The following GNPNAT1 variants were observed in gnomAD, a reference collection of about 807,000 sequenced individuals.
GNPNAT1 encodes the protein glucosamine-phosphate N-acetyltransferase 1.
In GNPNAT1, 11 loss-of-function variants were observed where a neutral mutation model predicts 19.8. The observed-to-expected ratio is 0.56, with a 90% CI of 0.35 to 0.92. The LOEUF (loss-of-function observed/expected upper bound fraction) is 0.92. GNPNAT1 is among the 40% of genes least tolerant of loss of function. The pLI, the probability that GNPNAT1 is intolerant of heterozygous loss-of-function variation, is 0.01. For synonymous variants in GNPNAT1, 71 were observed against 72.3 expected, an observed-to-expected ratio of 0.98 and a Z score of 0.09; for missense variants, 157 against 211.0, an observed-to-expected ratio of 0.74 and a Z score of 1.59.
intron 5 of GNPNAT1, among the ~76,000 whole-genome samples, chr14:52,779,005 GTCTC>G (rs946521279): frequency 6.6e-6 from 1 of 151,836 alleles, no homozygotes; most frequent in Non-Finnish European, 1.5e-5. Flanking sequence ...AACAGAGTGA[GTCTC>G]TGTCTTGAAA....
chr14:52,781,696 T>C, intron 4 of GNPNAT1, 88 bp downstream of exon 4: 1 of 1,265,246 alleles, frequency 7.9e-7, no homozygotes, highest in Non-Finnish European at 1.1e-6. Context: ...GCACTGAAAA[T>C]CAATGAGAAA....
At chr14:52,781,145 C>T (rs1882884793) in intron 4 of GNPNAT1, among the ~76,000 whole-genome samples, 1 of 152,116 alleles carries the variant, frequency 6.6e-6, no homozygotes, top group African/African-American at 2.4e-5. Flanking sequence ...CCAACCTTCC[C>T]ACCCCATTGT....
chr14:52,786,846 T>G (rs1046955377), intron 1 of GNPNAT1, among the ~76,000 whole-genome samples: 16 of 145,230 alleles, frequency 1.1e-4, no homozygotes, highest in African/African-American at 4.0e-4. Context: ...CAGAAATGTT[T>G]CAGGTTTTGG....
intron 1 of GNPNAT1, among the ~76,000 whole-genome samples, chr14:52,789,986 CAAAAA>C (rs200756037): frequency 0.036 from 3,823 of 107,166 alleles, 44 homozygotes; most frequent in African/African-American, 0.048. Flanking sequence ...TCCAGAAGGA[CAAAAA>C]AAAAAAAAAA....
At chr14:52,786,204 T>C (rs1322405701) in intron 1 of GNPNAT1, among the ~76,000 whole-genome samples, 1 of 151,884 alleles carries the variant, frequency 6.6e-6, no homozygotes, top group Non-Finnish European at 1.5e-5. Flanking sequence ...CAGCAGATTT[T>C]CTAAAAATCT....
chr14:52,786,857 ATTTTTTTTTTTTTTTTT>A (rs567085170), intron 1 of GNPNAT1, among the ~76,000 whole-genome samples: 11 of 98,686 alleles, frequency 1.1e-4, no homozygotes, highest in South Asian at 6.7e-4. Flanking sequence ...CAGGTTTTGG[ATTTTTTTTTTTTTTTTT>A]TTTTTTTTTT....
intron 1 of GNPNAT1, among the ~76,000 whole-genome samples, chr14:52,784,892 G>A (rs890133946): frequency 1.4e-5 from 2 of 144,302 alleles, no homozygotes; most frequent in African/African-American, 5.1e-5. Context: ...AAATTAGTAA[G>A]TTTTAAACTA....
rs1379668298 is a variant in GNPNAT1 at position 52,776,296 on chromosome 14, T to C, written c.*2015A>G. ...GTTTTATGTAGCACTTTTTTCATATTTACATTTACTCACCATATGGCTTCA... is the reference window on the plus strand; with the variant it reads ...GTTTTATGTAGCACTTTTTTCATATCTACATTTACTCACCATATGGCTTCA... On this transcript the variant is annotated 3_prime_UTR_variant, in exon 6 of 6. Transcript: ENST00000216410. 3 of 152,198 alleles carry C rather than the reference T, an allele frequency of 2.0e-5. No individual in the cohort carries two copies. The East Asian group carries it at 5.8e-4, about 29-fold the overall frequency. 9.4% of individuals were successfully genotyped at this position (152,198 alleles called of 1,614,324 possible).
At chr14:52,789,564 T>A (rs1272528471) in intron 1 of GNPNAT1, among the ~76,000 whole-genome samples, 1 of 152,240 alleles carries the variant, frequency 6.6e-6, no homozygotes, top group Non-Finnish European at 1.5e-5. Context: ...TTTAGCTCAC[T>A]CTGTCCTCAA....
At chr14:52,786,986 G>A (rs913229727) in intron 1 of GNPNAT1, among the ~76,000 whole-genome samples, 1 of 146,866 alleles carries the variant, frequency 6.8e-6, no homozygotes, top group African/African-American at 2.5e-5. Flanking sequence ...TATACAGATA[G>A]CACAAATATT....
At chr14:52,790,796 C>T (rs1883153535) in intron 1 of GNPNAT1, among the ~76,000 whole-genome samples, 1 of 152,320 alleles carries the variant, frequency 6.6e-6, no homozygotes, top group African/African-American at 2.4e-5. Context: ...CCTATAATCG[C>T]CCGTTCAATT....
chr14:52,778,317 T>C lies in GNPNAT1; in HGVS notation c.549A>G (p.Leu183=), dbSNP rs1425327717. The C allele has an allele frequency of 8.8e-6, 14 of 1,584,478 alleles. No homozygotes were observed. The highest frequency in any genetic ancestry group is 1.2e-5 in the Non-Finnish European group (14 of 1,171,552). The change falls in exon 6 of 6, where the codon CTA becomes CTG. Residue 183 remains leucine, a synonymous_variant. Transcript: ENST00000216410. Reference sequence around the variant, plus strand: ...CAATTTTCTTACAAGATTTTTACTTTAGAAACCTCCGACACATGTAGTTTT... The same window carrying C: ...CAATTTTCTTACAAGATTTTTACTTCAGAAACCTCCGACACATGTAGTTTT... ...SEENYMCRRF[L]K
chr14:52,784,926 C>CTTTT (rs571852245), intron 1 of GNPNAT1, among the ~76,000 whole-genome samples: 2 of 119,734 alleles, frequency 1.7e-5, no homozygotes, highest in Non-Finnish European at 3.5e-5. Context: ...ATTATCAAGT[C>CTTTT]TTTTTTTTTT....
At chr14:52,790,685 C>G (rs1883151045) in intron 1 of GNPNAT1, among the ~76,000 whole-genome samples, 1 of 152,178 alleles carries the variant, frequency 6.6e-6, no homozygotes, top group Admixed American at 6.5e-5. Context: ...TCATACCATA[C>G]AGCTAGCGCT....
In GNPNAT1 at chr14:52,777,323, T is replaced by C. The variant is rs1882758818; in HGVS notation, c.*988A>G. The stretch of plus-strand genomic sequence containing the variant: ...AGATTAGAACCATTAAAATATTTAA[T>C]TCTTCAACTTTAAAAAATTAAATAA... On this transcript the variant is annotated 3_prime_UTR_variant, in exon 6 of 6. Coordinates refer to ENST00000216410, the MANE Select transcript of GNPNAT1 (RefSeq NM_198066.4). 6.6e-6 allele frequency: 1 copy of C among 152,634 alleles called. No individual in the cohort carries two copies. The highest frequency in any genetic ancestry group is 2.4e-5 in the African/African-American group (1 of 41,458). 9.5% of individuals were successfully genotyped at this position (152,634 alleles called of 1,614,324 possible).
chr14:52,787,889 G>A (rs1883060623), intron 1 of GNPNAT1: 1 of 151,954 alleles, frequency 6.6e-6, no homozygotes, highest in African/African-American at 2.4e-5. Context: ...AAGAATGACA[G>A]GCTCTTACGT....
At chr14:52,778,832 C>G (rs569227379) in intron 5 of GNPNAT1, among the ~76,000 whole-genome samples, 1 of 152,060 alleles carries the variant, frequency 6.6e-6, no homozygotes, top group Admixed American at 6.5e-5. Context: ...GCCTGGGAAA[C>G]ACGGCAAAAC....
At chr14:52,781,758 C>T (rs1161263060) in intron 4 of GNPNAT1, 26 bp downstream of exon 4, 1 of 1,563,412 alleles carries the variant, frequency 6.4e-7, no homozygotes, top group East Asian at 2.4e-5. Context: ...AAACAGCTGT[C>T]CATTTTATTT....
At chr14:52,783,563 G>T in intron 2 of GNPNAT1, 78 bp from the exon 3 acceptor site, 1 of 911,472 alleles carries the variant, frequency 1.1e-6, no homozygotes, top group South Asian at 1.4e-5. Flanking sequence ...ATATTAAGCA[G>T]GTGGGCTTAC....
Sources: gnomAD v4.1 joint callset for allele counts (sites outside exome capture counted in the v4.1 genomes callset) on GRCh38, gnomAD v4.1.1 for gene constraint, MANE v1.5 for transcripts, NCBI Gene and HGNC (gene_info 2026-07-23, HGNC 2026-07-21) for gene names.